The following SCAF8 variants were observed in gnomAD, a reference collection of about 807,000 sequenced individuals.
The protein encoded by SCAF8 is SR-related and CTD-associated factor 8.
Under a neutral mutation model 140.5 loss-of-function variants are expected in SCAF8, and 23 were observed. The observed-to-expected ratio is 0.16, with a 90% CI of 0.12 to 0.23. The LOEUF (loss-of-function observed/expected upper bound fraction) is 0.23, where lower values mean the gene tolerates loss of function less well. SCAF8 is among the 10% of genes least tolerant of loss of function. SCAF8 has a pLI of 1.00. For missense variants in SCAF8, 1,397 were observed against 1,555.7 expected, an observed-to-expected ratio of 0.90 and a Z score of 1.72; for synonymous variants, 575 against 528.9, an observed-to-expected ratio of 1.09 and a Z score of -1.20.
At chr6:154,816,665 G>A (rs1435375301) in intron 13 of SCAF8, among the ~76,000 whole-genome samples, 1 of 152,136 alleles carries the variant, frequency 6.6e-6, no homozygotes, top group Non-Finnish European at 1.5e-5. Flanking sequence ...TGTGGTTACA[G>A]TTTTATGTCT....
chr6:154,752,468 A>T (rs939999998), intron 1 of SCAF8, among the ~76,000 whole-genome samples: 1 of 152,124 alleles, frequency 6.6e-6, no homozygotes, highest in Non-Finnish European at 1.5e-5. Flanking sequence ...TTATTCTTCT[A>T]CTAGGGGATA....
At chr6:154,768,853 A>G (rs1227054314) in intron 1 of SCAF8, among the ~76,000 whole-genome samples, 1 of 152,166 alleles carries the variant, frequency 6.6e-6, no homozygotes, top group Non-Finnish European at 1.5e-5. Context: ...GCTTGAGCCC[A>G]GGTGTTTGAG....
chr6:154,746,652 C>T (rs1346452441), intron 1 of SCAF8, among the ~76,000 whole-genome samples: 3 of 151,636 alleles, frequency 2.0e-5, no homozygotes, highest in African/African-American at 7.3e-5. Context: ...AAGCATATAT[C>T]TGTAAACAAA....
chr6:154,827,472 C>T (rs563917377), intron 18 of SCAF8, among the ~76,000 whole-genome samples: 38 of 152,262 alleles, frequency 2.5e-4, no homozygotes, highest in African/African-American at 8.9e-4. Flanking sequence ...AAGGTCCTCT[C>T]ATCCTATTTG....
intron 1 of SCAF8, among the ~76,000 whole-genome samples, chr6:154,734,923 G>C (rs958991727): frequency 6.6e-6 from 1 of 152,166 alleles, no homozygotes; most frequent in Non-Finnish European, 1.5e-5. Flanking sequence ...AGGAGTTCAA[G>C]ACCAGCCTGG....
Position 154,833,095 on chromosome 6 carries a change from A to C in SCAF8, c.3516A>C (p.Glu1172Asp). 3.1e-6 allele frequency: 5 copies of C among 1,614,148 alleles called. No homozygotes were observed. Among genetic ancestry groups the C allele is most frequent in the South Asian group, 1.1e-5 (1 of 91,080 alleles). ...RDDRDFDFCR[E>D]MNGNRLGRDR... ...ACAGAGATTTTGATTTCTGCAGAGA[A>C]ATGAATGGAAATCGTCTTGGACGAG... Residue 1172 changes from glutamate to aspartate, a missense_variant, in exon 20 of 20, where the codon GAA becomes GAC. By Grantham distance (45) the Glu-to-Asp change is conservative (BLOSUM62 2). Transcript: ENST00000367178.
intron 3 of SCAF8, among the ~76,000 whole-genome samples, chr6:154,779,000 T>C (rs984608184): frequency 6.6e-6 from 1 of 152,124 alleles, no homozygotes; most frequent in Non-Finnish European, 1.5e-5. Context: ...TTTAAAAGTT[T>C]TAATGTCTGG....
intron 1 of SCAF8, among the ~76,000 whole-genome samples, chr6:154,736,342 C>G (rs1778420317): frequency 7.1e-6 from 1 of 141,306 alleles, no homozygotes; most frequent in South Asian, 2.2e-4. Context: ...GAGATCTTGG[C>G]TCAATGCAAC....
chr6:154,824,118 C>A, intron 16 of SCAF8, 116 bp from the exon 17 acceptor site: 1 of 1,033,320 alleles, frequency 9.7e-7, no homozygotes, highest in East Asian at 2.4e-5. Context: ...GGCATAAAAC[C>A]CTTTTTAGTA....
intron 1 of SCAF8, among the ~76,000 whole-genome samples, chr6:154,768,749 T>G (rs1407197491): frequency 6.6e-6 from 1 of 152,212 alleles, no homozygotes; most frequent in African/African-American, 2.4e-5. Context: ...AAAAATTTTC[T>G]AATATTTATT....
At chr6:154,831,703 T>TAAAAAAAAAAAAA (rs58013583) in intron 19 of SCAF8, among the ~76,000 whole-genome samples, 10 of 48,094 alleles carry the variant, frequency 2.1e-4, no homozygotes, top group East Asian at 7.8e-4. Flanking sequence ...CTCCTGTTCT[T>TAAAAAAAAAAAAA]AAAAAAAAAA....
At chr6:154,804,856 T>C (rs116024205) in intron 8 of SCAF8, among the ~76,000 whole-genome samples, 1,629 of 152,268 alleles carry the variant, frequency 0.011, 25 homozygotes, top group African/African-American at 0.027. Flanking sequence ...TTTTTTCTTA[T>C]TTAAACAGTA....
intron 13 of SCAF8, 46 bp from the exon 14 acceptor site, chr6:154,818,431 ATG>A: frequency 2.1e-6 from 2 of 950,988 alleles, no homozygotes; most frequent in Non-Finnish European, 3.2e-6. Flanking sequence ...AAATACCAGA[ATG>A]AGTTTCTGTT....
chr6:154,770,628 G>C (rs778156899), intron 1 of SCAF8, among the ~76,000 whole-genome samples: 2 of 152,144 alleles, frequency 1.3e-5, no homozygotes, highest in Non-Finnish European at 2.9e-5. Context: ...CCTAATTCTT[G>C]TCGACCATTG....
Position 154,744,863 on chromosome 6 carries a change from T to C in SCAF8, c.30+10933T>C, listed in dbSNP as rs551611553. Among the ~76,000 whole-genome samples the C allele has an allele frequency of 6.6e-5, 10 of 152,366 alleles. No homozygotes were observed. In the South Asian group the frequency reaches 1.9e-3, roughly 28 times the overall value. ...TAACCATGTTTGCTTTCTTACTGTC[T>C]CTTCACATACAAATGAACACATAAT... is the stretch of plus-strand genomic sequence containing the variant. On this transcript the variant is annotated intron_variant, in intron 1 of 19. Transcript: ENST00000367178.
In SCAF8 at chr6:154,831,703, T is replaced by TAAAAAAAAAAA. The variant is rs58013583; in HGVS notation, c.2360-207_2360-197dup. ...CCTTTTAAACCTCCACTCCTGTTCT[T>TAAAAAAAAAAA]AAAAAAAAAAAAAAAAAAAAAAAAA... is the stretch of plus-strand genomic sequence containing the variant. On this transcript the variant is annotated intron_variant, in intron 19 of 19. Transcript: ENST00000367178. Among the ~76,000 whole-genome samples the TAAAAAAAAAAA allele has an allele frequency of 4.6e-4, 22 of 48,094 alleles. 2 individuals carry two copies. Among genetic ancestry groups the TAAAAAAAAAAA allele is most frequent in the African/African-American group, 1.2e-3 (17 of 14,218 alleles). 31.6% of individuals were successfully genotyped at this position (48,094 alleles called of 152,430 possible).
At chr6:154,749,572 T>G (rs1778789785) in intron 1 of SCAF8, among the ~76,000 whole-genome samples, 1 of 152,176 alleles carries the variant, frequency 6.6e-6, no homozygotes, top group Admixed American at 6.5e-5. Context: ...ATGTCACCTA[T>G]GTATAGTTTG....
At chr6:154,812,308 T>C (rs1268271124) in intron 12 of SCAF8, among the ~76,000 whole-genome samples, 3 of 150,602 alleles carry the variant, frequency 2.0e-5, no homozygotes, top group Non-Finnish European at 4.4e-5. Context: ...TTTTTTTTTT[T>C]TTTTTGCAAA....
intron 19 of SCAF8, 22 bp from the exon 20 acceptor site, chr6:154,831,917 T>G (rs777861016): frequency 6.4e-7 from 1 of 1,558,048 alleles, no homozygotes; most frequent in Non-Finnish European, 8.6e-7. Context: ...TTTGAGTTTT[T>G]TCTCTCTCTC....
Sources: allele counts gnomAD v4.1 joint callset (sites outside exome capture counted in the v4.1 genomes callset), GRCh38; gene constraint gnomAD v4.1.1; transcripts MANE v1.5; gene names NCBI Gene and HGNC (gene_info 2026-07-23, HGNC 2026-07-21).